ZNF214: variants seen among roughly 807,000 people sequenced by gnomAD.
The protein encoded by ZNF214 is BWSCR2-associated zinc finger protein 1.
Under a neutral mutation model 53.9 loss-of-function variants are expected in ZNF214, and 43 were observed. The ratio of observed to expected loss-of-function variants is 0.80; its 90% CI spans 0.63 to 1.03. ZNF214 has a LOEUF of 1.03. Among genes scored for constraint, ZNF214 ranks in the 50% least tolerant of loss-of-function variants. The pLI is 0.00. For missense variants in ZNF214, 724 were observed against 719.1 expected (o/e 1.01, Z -0.08); for synonymous variants, 217 against 229.5 (o/e 0.95, Z 0.49).
chr11:7,018,507 T>TTTTTTTC (rs1851830160), intron 1 of ZNF214, among the ~76,000 whole-genome samples: 1 of 140,466 alleles, frequency 7.1e-6, no homozygotes, highest in Non-Finnish European at 1.5e-5. Flanking sequence ...TTTTTTTTTT[T>TTTTTTTC]TTTTTTTTTT....
At position 7,000,037 on chromosome 11, in the gene ZNF214, G is replaced by A; in HGVS notation, c.1646C>T (p.Thr549Ile). 1.9e-6 allele frequency: 3 copies of A among 1,613,240 alleles called. No homozygotes were observed. The highest frequency in any genetic ancestry group is 2.5e-6 in the Non-Finnish European group (3 of 1,179,532). ...SNLHIHQRVH[T>I]GEKPYQCAKC... ...AGCACATTGATAAGGCTTCTCTCCT[G>A]TATGGACCCTCTGATGAATGTGAAG... Residue 549 changes from threonine to isoleucine, a missense_variant, in exon 3 of 3, where the codon ACA (threonine) becomes ATA (isoleucine). Transcript: ENST00000278314.
chr11:7,018,226 A>G (rs192974525), intron 1 of ZNF214, among the ~76,000 whole-genome samples: 1 of 152,296 alleles, frequency 6.6e-6, no homozygotes, highest in East Asian at 1.9e-4. Flanking sequence ...TAAATAACAA[A>G]TTTAAACATT....
intron 1 of ZNF214, among the ~76,000 whole-genome samples, chr11:7,013,440 A>G (rs1244223563): frequency 6.6e-6 from 1 of 152,222 alleles, no homozygotes; most frequent in Non-Finnish European, 1.5e-5. Flanking sequence ...TAGCCCTCCT[A>G]GGCTCCTATT....
At chr11:7,012,556 T>C (rs983960405) in intron 1 of ZNF214, among the ~76,000 whole-genome samples, 2 of 151,766 alleles carry the variant, frequency 1.3e-5, no homozygotes, top group Non-Finnish European at 2.9e-5. Context: ...CACAAGCTAG[T>C]TAATCAAAGG....
At chr11:7,013,339 T>C (rs72849505) in intron 1 of ZNF214, among the ~76,000 whole-genome samples, 5,134 of 152,284 alleles carry the variant, frequency 0.034, 132 homozygotes, top group Non-Finnish European at 0.051. Flanking sequence ...ATTGTAAGTG[T>C]TGGGAAAAAG....
chr11:7,004,953 ATAAC>A (rs1464037392), intron 1 of ZNF214, among the ~76,000 whole-genome samples: 1 of 152,074 alleles, frequency 6.6e-6, no homozygotes, highest in Non-Finnish European at 1.5e-5. Context: ...GCAATAATAG[ATAAC>A]TAATATTATT....
At chr11:7,019,776 C>T (rs1851868534) in intron 1 of ZNF214, 1 of 152,248 alleles carries the variant, frequency 6.6e-6, no homozygotes. Context: ...TTAGTTAACC[C>T]TCTTTCTCTA....
At position 6,998,972 on chromosome 11, in the gene ZNF214, C is replaced by T. The variant is rs961889952; in HGVS notation, c.*890G>A. Among the ~76,000 whole-genome samples, 1 of 151,996 alleles carries T rather than the reference C, an allele frequency of 6.6e-6. No homozygotes were observed. The highest frequency in any genetic ancestry group is 1.5e-5 in the Non-Finnish European group (1 of 67,936). Reference sequence around the variant, plus strand: ...ATTAGCTTCAGGGTTCATCGTTGCACAGAGTTCTGAGTTCAATGCTGTCCT... The same window carrying T: ...ATTAGCTTCAGGGTTCATCGTTGCATAGAGTTCTGAGTTCAATGCTGTCCT... On this transcript the variant is annotated 3_prime_UTR_variant, in exon 3 of 3. Transcript: ENST00000278314.
At chr11:7,007,396 G>A (rs1464202951) in intron 1 of ZNF214, among the ~76,000 whole-genome samples, 1 of 151,006 alleles carries the variant, frequency 6.6e-6, no homozygotes, top group Non-Finnish European at 1.5e-5. Context: ...GATTTAGCAT[G>A]TGGTTTAGAA....
rs768580646 is a variant in ZNF214, at chr11:7,000,725, T to C, written c.958A>G (p.Asn320Asp). 6.2e-7 allele frequency: 1 copy of C among 1,610,608 alleles called. No individual in the cohort carries two copies. Among genetic ancestry groups the C allele is most frequent in the Non-Finnish European group, 8.5e-7 (1 of 1,179,128 alleles). The part of the protein sequence containing the change: ...KSFSQISSLH[N>D]HQRVHTEEKF... The stretch of plus-strand genomic sequence containing the variant: ...TCTTCTGTGTGGACTCTTTGATGAT[T>C]GTGAAGACTAGAGATCTGGCTGAAG... Residue 320 changes from asparagine (N) to aspartate (D), a missense_variant, in exon 3 of 3, where the codon AAT becomes GAT. By Grantham distance (23) the Asn-to-Asp change is conservative. Coordinates refer to ENST00000278314, the MANE Select transcript of ZNF214 (RefSeq NM_013249.4).
intron 1 of ZNF214, among the ~76,000 whole-genome samples, chr11:7,009,778 C>T (rs930918797): frequency 4.6e-5 from 7 of 151,844 alleles, no homozygotes; most frequent in Admixed American, 4.6e-4. Context: ...AAACACTTTT[C>T]AAAAGAAGAC....
chr11:7,013,617 C>G (rs1196405576), intron 1 of ZNF214, among the ~76,000 whole-genome samples: 2 of 152,218 alleles, frequency 1.3e-5, no homozygotes, highest in Admixed American at 6.5e-5. Context: ...GGGGCCTTCG[C>G]AGCCTCCGTA....
chr11:7,005,097 T>C (rs971379543), intron 1 of ZNF214, among the ~76,000 whole-genome samples: 3 of 151,656 alleles, frequency 2.0e-5, no homozygotes, highest in African/African-American at 7.3e-5. Flanking sequence ...AAATATATCA[T>C]ATTTCTATTG....
In ZNF214 at chr11:7,006,046, C is replaced by T. The variant is rs188876321; in HGVS notation, c.-20-3191G>A. Among the ~76,000 whole-genome samples, 6 of 152,198 alleles carry T rather than the reference C, an allele frequency of 3.9e-5. No individual in the cohort carries two copies. The East Asian group carries it at 9.7e-4, about 25-fold the overall frequency. ...TTGCTTTTCAGTGTTTTCATACTCACTGATTCTTACATACTGGATGGATTG... is the reference window on the plus strand; with the variant it reads ...TTGCTTTTCAGTGTTTTCATACTCATTGATTCTTACATACTGGATGGATTG... On this transcript the variant is annotated intron_variant, in intron 1 of 2. Transcript: ENST00000278314.
chr11:7,017,558 G>A (rs1433040327), intron 1 of ZNF214, among the ~76,000 whole-genome samples: 2 of 152,164 alleles, frequency 1.3e-5, no homozygotes, highest in East Asian at 1.9e-4. Context: ...GCAACACGGT[G>A]AAACCCCATC....
chr11:7,010,097 A>G (rs1450632643), intron 1 of ZNF214, among the ~76,000 whole-genome samples: 1 of 152,116 alleles, frequency 6.6e-6, no homozygotes, highest in Non-Finnish European at 1.5e-5. Context: ...AAACTGTTCT[A>G]CCATAAAGAC....
intron 1 of ZNF214, among the ~76,000 whole-genome samples, chr11:7,005,769 A>T (rs753364481): frequency 3.3e-5 from 5 of 152,096 alleles, no homozygotes; most frequent in Non-Finnish European, 5.9e-5. Context: ...TTGTGATTTC[A>T]TTAGGTTTTA....
intron 1 of ZNF214, among the ~76,000 whole-genome samples, chr11:7,010,736 A>G (rs1448241823): frequency 6.6e-6 from 1 of 151,960 alleles, no homozygotes. Flanking sequence ...ATAAAGCCAA[A>G]AGATGTTCTT....
intron 2 of ZNF214, 93 bp from the exon 3 acceptor site, chr11:7,001,648 T>A: frequency 7.2e-7 from 1 of 1,395,698 alleles, no homozygotes; most frequent in Non-Finnish European, 9.5e-7. Flanking sequence ...ATGATAGGAA[T>A]ATATGTGTGG....
Sources: allele counts gnomAD v4.1 joint callset (sites outside exome capture counted in the v4.1 genomes callset), GRCh38; gene constraint gnomAD v4.1.1; transcripts MANE v1.5; gene names NCBI Gene and HGNC (gene_info 2026-07-23, HGNC 2026-07-21).